Variants in SLC25A51 observed in about 807,000 individuals in gnomAD.
The protein encoded by SLC25A51 is mitochondrial nicotinamide adenine dinucleotide transporter SLC25A51.
In SLC25A51, 11 loss-of-function variants were observed where a neutral mutation model predicts 19.1. The ratio of observed to expected loss-of-function variants is 0.58; its 90% CI spans 0.36 to 0.96. The LOEUF (loss-of-function observed/expected upper bound fraction) is 0.96. SLC25A51 is among the 40% of genes least tolerant of loss of function. The pLI, the probability that SLC25A51 is intolerant of heterozygous loss-of-function variation, is 0.01. For synonymous variants in SLC25A51, 105 were observed against 133.6 expected, an observed-to-expected ratio of 0.79 and a Z score of 1.47; for missense variants, 201 against 365.4, an observed-to-expected ratio of 0.55 and a Z score of 3.67.
chr9:37,891,848 T>TAAAAA (rs5897703), intron 2 of SLC25A51, among the ~76,000 whole-genome samples: 9 of 87,740 alleles, frequency 1.0e-4, no homozygotes, highest in Admixed American at 9.2e-4. Context: ...CCAAGAATGA[T>TAAAAA]AAAAAAAAAA....
At chr9:37,877,825 T>C (rs998025536), downstream of SLC25A51, among the ~76,000 whole-genome samples, 1 of 152,106 alleles carries the variant, frequency 6.6e-6, no homozygotes, top group African/African-American at 2.4e-5. Context: ...CTAGGCAACA[T>C]GGTGAAACCC....
downstream of SLC25A51, chr9:37,885,885 C>G (rs930369049): frequency 1.4e-5 from 23 of 1,598,432 alleles, no homozygotes; most frequent in South Asian, 7.7e-5. Context: ...CAAACCCCCC[C>G]CTCCCCATAT....
downstream of SLC25A51, chr9:37,878,372 C>G (rs1403709781): frequency 1.1e-5 from 2 of 174,258 alleles, no homozygotes; most frequent in East Asian, 3.3e-4. Flanking sequence ...TCATTGTGCC[C>G]CAGTGTGAAA....
chr9:37,887,481 T>C, downstream of SLC25A51: 2 of 699,172 alleles, frequency 2.9e-6, no homozygotes, highest in Non-Finnish European at 4.6e-6. Flanking sequence ...GTGGTAGGAC[T>C]TGGAGGAGAA....
intron 2 of SLC25A51, among the ~76,000 whole-genome samples, chr9:37,891,868 T>TTATATA (rs1361870108): frequency 7.7e-6 from 1 of 129,684 alleles, no homozygotes; most frequent in African/African-American, 3.4e-5. Flanking sequence ...AAAAAAAATT[T>TTATATA]TATATATATA....
chr9:37,879,760 A>C (rs41278323), exon 4 of SLC25A51: 17,930 of 152,346 alleles, frequency 0.12, 1,166 homozygotes, highest in Non-Finnish European at 0.15. Context: ...CGAGATCTGA[A>C]GGACAGCAGT....
rs558083561 is a variant in SLC25A51, at chr9:37,903,304, G to A, written c.-165+764C>T. Among the ~76,000 whole-genome samples, 16 of 152,266 alleles carry A rather than the reference G, an allele frequency of 1.1e-4. No individual in the cohort carries two copies. In the South Asian group the frequency reaches 3.1e-3, roughly 30 times the overall value. ...TACAAGTAGAGAAAAACAGAAGGTGGGAATTAAGATCAGCTAGGTAGAGCT... is the reference window on the plus strand; with the variant it reads ...TACAAGTAGAGAAAAACAGAAGGTGAGAATTAAGATCAGCTAGGTAGAGCT... On this transcript the variant is annotated intron_variant, in intron 1 of 2. Coordinates refer to ENST00000242275, the MANE Select transcript of SLC25A51 (RefSeq NM_033412.4).
At chr9:37,886,534 C>A, downstream of SLC25A51, 1 of 968,282 alleles carries the variant, frequency 1.0e-6, no homozygotes, top group Non-Finnish European at 1.5e-6. Flanking sequence ...TTTAAAGAGG[C>A]ATCTAGGGAA....
chr9:37,885,772 T>C, downstream of SLC25A51: 4 of 1,575,624 alleles, frequency 2.5e-6, no homozygotes, highest in Non-Finnish European at 3.5e-6. Flanking sequence ...ATAGGCAACA[T>C]TTTCATGTTT....
chr9:37,886,378 G>A (rs1469056062), downstream of SLC25A51: 3 of 1,602,856 alleles, frequency 1.9e-6, no homozygotes, highest in African/African-American at 2.7e-5. Context: ...GGGAAAGCAA[G>A]AAGGATAAAT....
At chr9:37,886,689 T>C (rs1451258564), downstream of SLC25A51, among the ~76,000 whole-genome samples, 1 of 152,162 alleles carries the variant, frequency 6.6e-6, no homozygotes, top group African/African-American at 2.4e-5. Flanking sequence ...TATTCAGACA[T>C]CTCCATGGTT....
downstream of SLC25A51, chr9:37,879,109 T>A (rs1831305056): frequency 3.1e-5 from 11 of 355,494 alleles, no homozygotes; most frequent in South Asian, 2.8e-4. Context: ...ATTTTGGCAT[T>A]CCATGTAGAC....
At chr9:37,891,629 T>G (rs1293806844) in intron 2 of SLC25A51, among the ~76,000 whole-genome samples, 2 of 152,198 alleles carry the variant, frequency 1.3e-5, no homozygotes, top group African/African-American at 4.8e-5. Context: ...GTGCAAGATG[T>G]GCTTTGTTAA....
chr9:37,880,639 A>T (rs982302518), exon 4 of SLC25A51: 1 of 152,400 alleles, frequency 6.6e-6, no homozygotes, highest in African/African-American at 2.4e-5. Context: ...AATCCCAGCT[A>T]CTTGGGAGGC....
chr9:37,894,465 T>C (rs957494345), intron 2 of SLC25A51, among the ~76,000 whole-genome samples: 1 of 152,028 alleles, frequency 6.6e-6, no homozygotes, highest in Non-Finnish European at 1.5e-5. Context: ...TAGCTGGGAT[T>C]ACAGGTGCCC....
chr9:37,894,273 A>G (rs1049319396), intron 2 of SLC25A51, among the ~76,000 whole-genome samples: 2 of 151,856 alleles, frequency 1.3e-5, no homozygotes, highest in South Asian at 2.1e-4. Flanking sequence ...GACCTTCCAG[A>G]GAGTGTCTAG....
chr9:37,888,739 C>G (rs2118320244), intron 2 of SLC25A51, 147 bp from the exon 3 acceptor site: 1 of 659,796 alleles, frequency 1.5e-6, no homozygotes, highest in Non-Finnish European at 2.4e-6. Flanking sequence ...TCAGAAGACC[C>G]CTGGAAGTCC....
At chr9:37,886,113 G>A (rs16934566), downstream of SLC25A51, 46,657 of 1,462,676 alleles carry the variant, frequency 0.032, 896 homozygotes, top group Non-Finnish European at 0.037. Context: ...GTTAGTACGC[G>A]GTACAAAGTG....
At chr9:37,904,034 G>A (rs1831918675) in intron 1 of SLC25A51, 34 bp downstream of exon 1, 1 of 152,416 alleles carries the variant, frequency 6.6e-6, no homozygotes, top group African/African-American at 2.4e-5. Flanking sequence ...TGCGAAGAAA[G>A]CCCGGTGCTT....
Sources: gnomAD v4.1 joint callset for allele counts (sites outside exome capture counted in the v4.1 genomes callset) on GRCh38, gnomAD v4.1.1 for gene constraint, MANE v1.5 for transcripts, NCBI Gene and HGNC (gene_info 2026-07-23, HGNC 2026-07-21) for gene names.